The following LMNTD1 variants were observed in gnomAD, a reference collection of about 807,000 sequenced individuals.
LMNTD1 encodes lamin tail domain-containing protein 1.
A neutral mutation model predicts 50.9 loss-of-function variants in LMNTD1; 35 were observed. The ratio of observed to expected loss-of-function variants is 0.69; its 90% CI spans 0.53 to 0.91. The LOEUF (loss-of-function observed/expected upper bound fraction) is 0.91, where lower values mean the gene tolerates loss of function less well. Ranked by LOEUF, LMNTD1 falls within the 40% of genes least tolerant of loss-of-function variation. The probability of loss-of-function intolerance (pLI) is 0.00; values close to 1 mark genes in which losing one functional copy is unlikely to be tolerated. For missense variants in LMNTD1, 470 were observed against 475.5 expected (o/e 0.99, Z 0.11); for synonymous variants, 153 against 161.9 (o/e 0.94, Z 0.42).
At chr12:25,640,051 CA>C (rs1946919130) in intron 1 of LMNTD1, among the ~76,000 whole-genome samples, 2 of 152,070 alleles carry the variant, frequency 1.3e-5, no homozygotes, top group African/African-American at 4.8e-5. Flanking sequence ...CATAAAAGAC[CA>C]CAATTATATG....
At chr12:25,643,603 C>T (rs956571587) in intron 1 of LMNTD1, among the ~76,000 whole-genome samples, 1 of 152,170 alleles carries the variant, frequency 6.6e-6, no homozygotes, top group Non-Finnish European at 1.5e-5. Context: ...AATTTTTAAA[C>T]CGATTGCTGA....
chr12:25,645,299 G>A (rs910425066), intron 1 of LMNTD1, among the ~76,000 whole-genome samples: 2 of 152,174 alleles, frequency 1.3e-5, no homozygotes, highest in African/African-American at 4.8e-5. Flanking sequence ...AGAGAAGCAA[G>A]GTTTCGAGAG....
At chr12:25,620,573 G>T (rs556478488) in intron 1 of LMNTD1, among the ~76,000 whole-genome samples, 1 of 152,206 alleles carries the variant, frequency 6.6e-6, no homozygotes, top group Admixed American at 6.5e-5. Flanking sequence ...AAACTCTGCT[G>T]CTATTATGTG....
At chr12:25,631,975 C>T (rs1313277601) in intron 1 of LMNTD1, among the ~76,000 whole-genome samples, 1 of 152,084 alleles carries the variant, frequency 6.6e-6, no homozygotes, top group Admixed American at 6.5e-5. Context: ...ATTCAGGAAA[C>T]ATTGGACACA....
At chr12:25,541,879 AAAAC>A (rs1486908095) in intron 4 of LMNTD1, among the ~76,000 whole-genome samples, 3 of 149,608 alleles carry the variant, frequency 2.0e-5, no homozygotes, top group Non-Finnish European at 3.0e-5. Flanking sequence ...TTACAAGAAA[AAAAC>A]AAACAACCCC....
chr12:25,495,408 A>G (rs1565940146), intron 9 of LMNTD1, among the ~76,000 whole-genome samples: 1 of 151,992 alleles, frequency 6.6e-6, no homozygotes, highest in Non-Finnish European at 1.5e-5. Context: ...CCCTAAAATG[A>G]ATATTATTAA....
chr12:25,478,842 C>G (rs958136655), intron 9 of LMNTD1, among the ~76,000 whole-genome samples: 1 of 151,946 alleles, frequency 6.6e-6, no homozygotes, highest in African/African-American at 2.4e-5. Context: ...CTTCTGTATT[C>G]CCTTTGCCTT....
At chr12:25,638,358 A>T (rs568290188) in intron 1 of LMNTD1, among the ~76,000 whole-genome samples, 1 of 152,232 alleles carries the variant, frequency 6.6e-6, no homozygotes, top group African/African-American at 2.4e-5. Context: ...GCAAGAAAAT[A>T]AAATAAATAA....
chr12:25,476,538 T>C (rs140647292), intron 9 of LMNTD1, 78 bp from the exon 10 acceptor site: 104 of 152,312 alleles, frequency 6.8e-4, no homozygotes, highest in African/African-American at 2.3e-3. Context: ...TACACTACTG[T>C]CTCAATTAAT....
intron 1 of LMNTD1, among the ~76,000 whole-genome samples, chr12:25,628,095 G>A (rs1357577832): frequency 5.0e-4 from 50 of 99,518 alleles, no homozygotes; most frequent in African/African-American, 1.9e-3. Context: ...GCGACAGAGT[G>A]AAACTCCGTC....
At chr12:25,646,561 C>A (rs2136638810) in intron 1 of LMNTD1, among the ~76,000 whole-genome samples, 1 of 152,242 alleles carries the variant, frequency 6.6e-6, no homozygotes, top group South Asian at 2.1e-4. Flanking sequence ...TGATGTCTGC[C>A]ACTCATGTGT....
intron 1 of LMNTD1, among the ~76,000 whole-genome samples, chr12:25,613,585 C>T (rs1233783843): frequency 6.6e-6 from 1 of 152,040 alleles, no homozygotes; most frequent in Non-Finnish European, 1.5e-5. Context: ...GTAAATGAGC[C>T]TCATTTGATA....
At chr12:25,533,836 T>G (rs1942384631) in intron 4 of LMNTD1, among the ~76,000 whole-genome samples, 1 of 152,174 alleles carries the variant, frequency 6.6e-6, no homozygotes, top group Non-Finnish European at 1.5e-5. Context: ...ATAAGAATCC[T>G]TTGGGAAGAT....
At chr12:25,542,630 G>C (rs1943164625) in intron 4 of LMNTD1, among the ~76,000 whole-genome samples, 1 of 151,120 alleles carries the variant, frequency 6.6e-6, no homozygotes, top group Non-Finnish European at 1.5e-5. Context: ...TAGATGACGA[G>C]TTAGTGGGTG....
intron 1 of LMNTD1, among the ~76,000 whole-genome samples, chr12:25,616,423 A>C (rs1946355377): frequency 6.6e-6 from 1 of 152,206 alleles, no homozygotes; most frequent in African/African-American, 2.4e-5. Context: ...TGAGTAAAAA[A>C]AGCCAATCCC....
intron 1 of LMNTD1, among the ~76,000 whole-genome samples, chr12:25,578,753 A>T (rs1945144303): frequency 6.6e-6 from 1 of 152,216 alleles, no homozygotes. Flanking sequence ...TAATGAAAAC[A>T]TCCTTCAAAG....
At chr12:25,519,455 G>GTGGGCGC (rs1477211705) in intron 7 of LMNTD1, among the ~76,000 whole-genome samples, 1 of 151,732 alleles carries the variant, frequency 6.6e-6, no homozygotes, top group African/African-American at 2.4e-5. Flanking sequence ...GGGCGTGGTG[G>GTGGGCGC]TGGGCGCCTG....
intron 9 of LMNTD1, among the ~76,000 whole-genome samples, chr12:25,502,029 T>C (rs1939419435): frequency 2.6e-5 from 4 of 152,056 alleles, no homozygotes; most frequent in Admixed American, 2.6e-4. Flanking sequence ...CAAAACAGGG[T>C]GGGCAGATTT....
At chr12:25,566,992 G>T (rs1944583047) in intron 1 of LMNTD1, among the ~76,000 whole-genome samples, 1 of 152,158 alleles carries the variant, frequency 6.6e-6, no homozygotes, top group South Asian at 2.1e-4. Flanking sequence ...AGGCCCTGAG[G>T]TTCCAGTTAT....
Sources: gnomAD v4.1 joint callset for allele counts (sites outside exome capture counted in the v4.1 genomes callset) on GRCh38, gnomAD v4.1.1 for gene constraint, MANE v1.5 for transcripts, NCBI Gene and HGNC (gene_info 2026-07-23, HGNC 2026-07-21) for gene names.